The following SHANK2 variants were observed in gnomAD, a reference collection of about 807,000 sequenced individuals.
The protein encoded by SHANK2 is SH3 and multiple ankyrin repeat domains protein 2.
SHANK2 carries 43 observed loss-of-function variants against 133.7 expected under a neutral mutation model. That is an observed-to-expected ratio of 0.32 (90% CI 0.25 to 0.41). The LOEUF (loss-of-function observed/expected upper bound fraction) is 0.41, where lower values mean the gene tolerates loss of function less well. Among genes scored for constraint, SHANK2 ranks in the 10% least tolerant of loss-of-function variants. The pLI, the probability that SHANK2 is intolerant of heterozygous loss-of-function variation, is 1.00. For missense variants in SHANK2, 1,994 were observed against 2,235.8 expected, an observed-to-expected ratio of 0.89 and a Z score of 2.18; for synonymous variants, 1,017 against 952.8, an observed-to-expected ratio of 1.07 and a Z score of -1.24.
At chr11:70,724,280 C>CGG (rs2134681169) in intron 14 of SHANK2, among the ~76,000 whole-genome samples, 1 of 152,296 alleles carries the variant, frequency 6.6e-6, no homozygotes, top group South Asian at 2.1e-4. Flanking sequence ...AAATGATCCA[C>CGG]CTGCCTCAGC....
In SHANK2 at chr11:71,120,227, G is replaced by C. The variant is rs538777968; in HGVS notation, c.208-1195C>G. 1.7e-4 allele frequency among the ~76,000 whole-genome samples: 26 copies of C among 152,290 alleles called. No individual in the cohort carries two copies. In the East Asian group the frequency reaches 4.2e-3, roughly 25 times the overall value. On this transcript the variant is annotated intron_variant, in intron 3 of 25. Transcript: ENST00000601538. Reference sequence around the variant, plus strand: ...GAGACTCACCAGTGAGCCAGGAAAGGCAAAGGCCAGGCAAATCCACTTCTA... The same window carrying C: ...GAGACTCACCAGTGAGCCAGGAAAGCCAAAGGCCAGGCAAATCCACTTCTA...
intron 2 of SHANK2, among the ~76,000 whole-genome samples, chr11:71,215,431 C>T (rs1555119657): frequency 6.6e-6 from 1 of 152,202 alleles, no homozygotes; most frequent in Non-Finnish European, 1.5e-5. Flanking sequence ...CCCTGGCTGC[C>T]CATCAGCAGG....
At chr11:70,723,299 GTCTCTCTC>G (rs57815500) in intron 14 of SHANK2, among the ~76,000 whole-genome samples, 14 of 145,832 alleles carry the variant, frequency 9.6e-5, no homozygotes, top group South Asian at 6.8e-4. Flanking sequence ...TGGAGGGTCT[GTCTCTCTC>G]TCTCTCTCTC....
chr11:71,148,943 G>A (rs138944477), intron 2 of SHANK2, among the ~76,000 whole-genome samples: 1 of 152,032 alleles, frequency 6.6e-6, no homozygotes, highest in East Asian at 1.9e-4. Context: ...GCCCAATGCA[G>A]GAGAGCAGTT....
intron 11 of SHANK2, among the ~76,000 whole-genome samples, chr11:70,870,261 C>T (rs1383811034): frequency 1.3e-5 from 2 of 152,130 alleles, no homozygotes; most frequent in African/African-American, 2.4e-5. Context: ...GACCCAGAGC[C>T]GTCCCCTCCT....
At chr11:70,675,528 G>T (rs1944890333) in intron 15 of SHANK2, among the ~76,000 whole-genome samples, 1 of 152,172 alleles carries the variant, frequency 6.6e-6, no homozygotes, top group African/African-American at 2.4e-5. Context: ...CTGGCCAGGT[G>T]GGGGCCAGTT....
intron 11 of SHANK2, among the ~76,000 whole-genome samples, chr11:70,881,540 C>A (rs1471162141): frequency 7.2e-6 from 1 of 138,304 alleles, no homozygotes; most frequent in Non-Finnish European, 1.5e-5. Context: ...TACAGGGAGA[C>A]CCTGTCTCAA....
At chr11:70,735,520 A>G (rs1555033309) in intron 14 of SHANK2, among the ~76,000 whole-genome samples, 1 of 152,158 alleles carries the variant, frequency 6.6e-6, no homozygotes, top group African/African-American at 2.4e-5. Context: ...CCTGGCCAAC[A>G]TGGTGAAACC....
chr11:70,634,302 A>G (rs1479951032), intron 17 of SHANK2: 1 of 152,294 alleles, frequency 6.6e-6, no homozygotes, highest in Admixed American at 6.5e-5. Context: ...TGCTGAAGAA[A>G]AAAAAAAGAA....
At chr11:71,176,846 C>T (rs947303818) in intron 2 of SHANK2, among the ~76,000 whole-genome samples, 4 of 152,030 alleles carry the variant, frequency 2.6e-5, no homozygotes, top group Non-Finnish European at 5.9e-5. Flanking sequence ...AAACTATAAA[C>T]TCCCAGCTTC....
intron 2 of SHANK2, among the ~76,000 whole-genome samples, chr11:71,194,745 T>C (rs1555115941): frequency 4.6e-5 from 7 of 152,166 alleles, no homozygotes; most frequent in Admixed American, 3.3e-4. Context: ...CAAAGTATAC[T>C]TGACAGAATA....
chr11:71,131,978 G>A, intron 3 of SHANK2, among the ~76,000 whole-genome samples: 1 of 152,200 alleles, frequency 6.6e-6, no homozygotes, highest in African/African-American at 2.4e-5. Context: ...GGGTCCCCGA[G>A]GCCGAGCTAA....
intron 14 of SHANK2, among the ~76,000 whole-genome samples, chr11:70,729,675 C>T (rs1379881872): frequency 1.3e-5 from 2 of 151,662 alleles, no homozygotes; most frequent in Non-Finnish European, 2.9e-5. Context: ...CAGGTGCCCG[C>T]TACCACACCC....
intron 9 of SHANK2, among the ~76,000 whole-genome samples, chr11:71,063,425 T>A (rs1951011759): frequency 1.3e-5 from 2 of 152,240 alleles, no homozygotes; most frequent in Admixed American, 1.3e-4. Context: ...CACACATGTG[T>A]CTGTGTACAC....
intron 14 of SHANK2, among the ~76,000 whole-genome samples, chr11:70,725,852 C>G (rs1264282233): frequency 6.6e-6 from 1 of 152,214 alleles, no homozygotes; most frequent in African/African-American, 2.4e-5. Flanking sequence ...GGGGGAAGAA[C>G]AGCCACCTTC....
intron 10 of SHANK2, among the ~76,000 whole-genome samples, chr11:70,904,490 C>G (rs963276916): frequency 6.7e-6 from 1 of 148,688 alleles, no homozygotes; most frequent in Non-Finnish European, 1.5e-5. Flanking sequence ...GTGGGAGGGA[C>G]CCGGTGGGAG....
intron 2 of SHANK2, among the ~76,000 whole-genome samples, chr11:71,165,941 T>A (rs782378622): frequency 6.6e-6 from 1 of 152,056 alleles, no homozygotes; most frequent in Admixed American, 6.6e-5. Flanking sequence ...ATCTCCTCCA[T>A]CCTCTGCTGA....
chr11:71,106,629 T>G (rs988017823), intron 6 of SHANK2, among the ~76,000 whole-genome samples: 13 of 152,238 alleles, frequency 8.5e-5, no homozygotes, highest in Non-Finnish European at 1.8e-4. Flanking sequence ...ACTATGGACC[T>G]TCTGCTTTGG....
At chr11:70,686,152 A>G (rs1240248087) in intron 15 of SHANK2, among the ~76,000 whole-genome samples, 1 of 147,830 alleles carries the variant, frequency 6.8e-6, no homozygotes, top group Non-Finnish European at 1.5e-5. Context: ...ACACCCATCC[A>G]GCTCCCCTTC....
Sources: allele counts gnomAD v4.1 joint callset (sites outside exome capture counted in the v4.1 genomes callset), GRCh38; gene constraint gnomAD v4.1.1; transcripts MANE v1.5; gene names NCBI Gene and HGNC (gene_info 2026-07-23, HGNC 2026-07-21).